ARL3: variants seen among roughly 807,000 people sequenced by gnomAD.
The protein encoded by ARL3 is ARF like GTPase 3, also known as ADP-ribosylation factor-like protein 3.
In ARL3, 9 loss-of-function variants were observed where a neutral mutation model predicts 26.0. The observed-to-expected ratio is 0.35, with a 90% confidence interval of 0.21 to 0.60. The LOEUF (loss-of-function observed/expected upper bound fraction) is 0.60. ARL3 is among the 20% of genes least tolerant of loss of function. The probability of loss-of-function intolerance (pLI) is 0.78; values close to 1 mark genes in which losing one functional copy is unlikely to be tolerated. For synonymous variants in ARL3, 71 were observed against 78.4 expected (o/e 0.91, Z 0.50); for missense variants, 158 against 215.7 (o/e 0.73, Z 1.67).
At chr10:102,685,126 G>A (rs1450581798) in intron 5 of ARL3, among the ~76,000 whole-genome samples, 2 of 151,290 alleles carry the variant, frequency 1.3e-5, no homozygotes, top group African/African-American at 4.8e-5. Context: ...GTGAATGCCT[G>A]TAATCCCAGC....
chr10:102,703,689 C>G (rs2064293192), intron 2 of ARL3, among the ~76,000 whole-genome samples: 1 of 151,648 alleles, frequency 6.6e-6, no homozygotes, highest in Admixed American at 6.6e-5. Flanking sequence ...GTGATCCGCC[C>G]ACCTCGGCCT....
At chr10:102,689,207 C>G (rs1564730145) in intron 4 of ARL3, among the ~76,000 whole-genome samples, 1 of 152,022 alleles carries the variant, frequency 6.6e-6, no homozygotes, top group Non-Finnish European at 1.5e-5. Context: ...CGCCTGTAAT[C>G]CCAGCTACTT....
chr10:102,699,356 T>A lies in ARL3; in HGVS notation c.264+17A>T. On this transcript the variant is annotated intron_variant, in intron 3 of 5. Coordinates refer to ENST00000260746, the MANE Select transcript of ARL3 (RefSeq NM_004311.4). Reference sequence around the variant, plus strand: ...GCAGAAAATACTATGAATTAGTGCGTCAGAAGGAGTACTTACAAGAATATC... The same window carrying A: ...GCAGAAAATACTATGAATTAGTGCGACAGAAGGAGTACTTACAAGAATATC... The A allele has an allele frequency of 6.9e-7, 1 of 1,440,720 alleles. No individual in the cohort carries two copies. The highest frequency in any genetic ancestry group is 9.8e-7 in the Non-Finnish European group (1 of 1,022,998). The allele number at this position is 1,440,720 out of a possible 1,614,324, so 89.2% of individuals were successfully genotyped here.
intron 3 of ARL3, among the ~76,000 whole-genome samples, chr10:102,691,451 T>C (rs2064217027): frequency 6.6e-6 from 1 of 152,180 alleles, no homozygotes; most frequent in South Asian, 2.1e-4. Flanking sequence ...TGAACGCTCC[T>C]GTTATTGTTA....
intron 5 of ARL3, among the ~76,000 whole-genome samples, chr10:102,681,386 C>T (rs2064155466): frequency 1.3e-5 from 1 of 79,242 alleles, no homozygotes; most frequent in African/African-American, 4.9e-5. Flanking sequence ...GAGCGAAACT[C>T]CATCTCAAAA....
Position 102,673,850 on chromosome 10 carries a change from TAAAA to T in ARL3, c.*3040_*3043del, listed in dbSNP as rs983922408. On this transcript the variant is annotated 3_prime_UTR_variant, in exon 6 of 6. Coordinates refer to ENST00000260746, the MANE Select transcript of ARL3 (RefSeq NM_004311.4). Reference sequence around the variant, plus strand: ...TGATTATCATTTTCAAAAGGGATTATAAAAAAAGAACCTTTTGATGGATCAGACT... The same window carrying T: ...TGATTATCATTTTCAAAAGGGATTATAAAGAACCTTTTGATGGATCAGACT... 1 of 152,086 alleles carries T rather than the reference TAAAA, an allele frequency of 6.6e-6. No homozygotes were observed. Among genetic ancestry groups the T allele is most frequent in the African/African-American group, 2.4e-5 (1 of 41,394 alleles). 9.4% of individuals were successfully genotyped at this position (152,086 alleles called of 1,614,324 possible).
intron 3 of ARL3, among the ~76,000 whole-genome samples, chr10:102,698,170 G>C (rs2064259211): frequency 1.3e-5 from 2 of 152,200 alleles, no homozygotes; most frequent in South Asian, 4.2e-4. Context: ...AACAGCAGAA[G>C]GTGAAGCTGT....
chr10:102,687,430 G>A (rs2064193633), intron 4 of ARL3, among the ~76,000 whole-genome samples: 1 of 151,798 alleles, frequency 6.6e-6, no homozygotes. Flanking sequence ...TTGGCCAGGC[G>A]CGGTGGCTCA....
intron 3 of ARL3, among the ~76,000 whole-genome samples, chr10:102,694,843 C>T (rs1189014801): frequency 6.6e-5 from 10 of 152,106 alleles, no homozygotes; most frequent in African/African-American, 9.7e-5. Context: ...CTTAGCCTCC[C>T]GAGCAGCTGG....
intron 5 of ARL3, among the ~76,000 whole-genome samples, chr10:102,681,366 T>A (rs2064155328): frequency 7.4e-6 from 1 of 135,580 alleles, no homozygotes; most frequent in Non-Finnish European, 1.5e-5. Context: ...CATTCCAGCC[T>A]GGGCAAGAAG....
chr10:102,679,986 C>G (rs1048474410), intron 5 of ARL3, among the ~76,000 whole-genome samples: 1 of 152,170 alleles, frequency 6.6e-6, no homozygotes, highest in Non-Finnish European at 1.5e-5. Flanking sequence ...GAGTCTTGCT[C>G]TGTCGCCCAG....
At chr10:102,709,686 A>T (rs1465006860) in intron 1 of ARL3, among the ~76,000 whole-genome samples, 1 of 150,422 alleles carries the variant, frequency 6.6e-6, no homozygotes, top group African/African-American at 2.4e-5. Context: ...CATAATGTTT[A>T]TTCACCTTAA....
intron 3 of ARL3, among the ~76,000 whole-genome samples, chr10:102,699,101 G>C (rs997767676): frequency 9.9e-5 from 15 of 152,256 alleles, no homozygotes; most frequent in African/African-American, 3.6e-4. Flanking sequence ...CTTCCCTTCT[G>C]CTATTCAAAT....
intron 2 of ARL3, among the ~76,000 whole-genome samples, chr10:102,703,646 T>C (rs1373270765): frequency 1.3e-5 from 2 of 150,324 alleles, no homozygotes; most frequent in Non-Finnish European, 3.0e-5. Context: ...GGTTTCACCA[T>C]GTTAGCCAGG....
At chr10:102,691,186 T>C (rs1237404504) in intron 3 of ARL3, among the ~76,000 whole-genome samples, 1 of 152,096 alleles carries the variant, frequency 6.6e-6, no homozygotes, top group East Asian at 1.9e-4. Flanking sequence ...GTTAGTTACA[T>C]GTGTATACAT....
chr10:102,688,126 A>C (rs2064197165), intron 4 of ARL3, among the ~76,000 whole-genome samples: 1 of 152,234 alleles, frequency 6.6e-6, no homozygotes, highest in Non-Finnish European at 1.5e-5. Context: ...GTTGGGGTCT[A>C]AACTATATGT....
At chr10:102,704,505 C>T (rs1350255800) in intron 2 of ARL3, among the ~76,000 whole-genome samples, 1 of 151,438 alleles carries the variant, frequency 6.6e-6, no homozygotes, top group Middle Eastern at 3.2e-3. Flanking sequence ...CGGGCCATGG[C>T]GGTGTGCGCC....
chr10:102,697,950 A>G (rs4919668), intron 3 of ARL3, among the ~76,000 whole-genome samples: 152,048 of 152,320 alleles, frequency 1, 75,888 homozygotes, highest in East Asian at 1. Flanking sequence ...AAGAGTAACT[A>G]GGAGGAGATA....
intron 3 of ARL3, among the ~76,000 whole-genome samples, chr10:102,692,676 A>C (rs545821009): frequency 6.6e-6 from 1 of 151,498 alleles, no homozygotes; most frequent in Non-Finnish European, 1.5e-5. Context: ...TCAGCCTCCC[A>C]AAGTGCTGGG....
Sources: gnomAD v4.1 joint callset for allele counts (sites outside exome capture counted in the v4.1 genomes callset) on GRCh38, gnomAD v4.1.1 for gene constraint, MANE v1.5 for transcripts, NCBI Gene and HGNC (gene_info 2026-07-23, HGNC 2026-07-21) for gene names.